OPA1: variants seen among roughly 807,000 people sequenced by gnomAD.
OPA1 encodes dynamin-like GTPase OPA1, mitochondrial.
Under a neutral mutation model 152.9 loss-of-function variants are expected in OPA1, and 59 were observed. The observed-to-expected ratio is 0.39, with a 90% CI of 0.31 to 0.48. The LOEUF (loss-of-function observed/expected upper bound fraction) is 0.48, where lower values mean the gene tolerates loss of function less well. Among genes scored for constraint, OPA1 ranks in the 20% least tolerant of loss-of-function variants. The pLI, the probability that OPA1 is intolerant of heterozygous loss-of-function variation, is 0.96. For missense variants in OPA1, 1,008 were observed against 1,216.8 expected, an observed-to-expected ratio of 0.83 and a Z score of 2.55; for synonymous variants, 400 against 389.9, an observed-to-expected ratio of 1.03 and a Z score of -0.31.
At chr3:193,617,152 A>T (rs1407665515) in intron 3 of OPA1, 26 bp from the exon 4 acceptor site, 2 of 1,344,618 alleles carry the variant, frequency 1.5e-6, no homozygotes, top group Admixed American at 3.4e-5. Context: ...TTAGTTTCAT[A>T]CTCTATATGT....
Position 193,662,950 on chromosome 3 carries a change from A to G in OPA1, c.2649A>G (p.Val883=). Residue 883 remains valine (V), a synonymous_variant, in exon 26 of 31, where the codon GTA becomes GTG. Coordinates refer to ENST00000361510, the MANE Select transcript of OPA1 (RefSeq NM_130837.3). The part of the protein sequence containing the change: ...RKNLESRGVE[V]DPSLIKDTWH... ...ACCTTGAATCCCGAGGAGTAGAAGT[A>G]GATCCAAGCTTGGTAATAAATACTG... 6.2e-7 allele frequency: 1 copy of G among 1,613,630 alleles called. No individual in the cohort carries two copies. Among genetic ancestry groups the G allele is most frequent in the Non-Finnish European group, 8.5e-7 (1 of 1,179,580 alleles).
intron 1 of OPA1, among the ~76,000 whole-genome samples, chr3:193,611,562 A>T (rs1417508393): frequency 1.4e-5 from 2 of 143,424 alleles, no homozygotes; most frequent in East Asian, 2.1e-4. Context: ...GCGCCACTAC[A>T]CTCTAGCCTG....
intron 7 of OPA1, 121 bp from the exon 8 acceptor site, chr3:193,631,491 G>T: frequency 3.1e-6 from 2 of 643,196 alleles, no homozygotes; most frequent in Non-Finnish European, 5.5e-6. Flanking sequence ...AAATTACTTT[G>T]ATTAAATATG....
intron 29 of OPA1, among the ~76,000 whole-genome samples, chr3:193,670,534 T>C (rs1343523932): frequency 1.3e-5 from 2 of 151,936 alleles, no homozygotes; most frequent in East Asian, 3.9e-4. Context: ...GCCTGGCTTA[T>C]TTTTTGTATT....
intron 1 of OPA1, 76 bp from the exon 2 acceptor site, chr3:193,614,647 A>G: frequency 9.3e-7 from 1 of 1,071,566 alleles, no homozygotes; most frequent in Non-Finnish European, 1.5e-6. Context: ...TTCCTTTAGT[A>G]TATTGCTCTT....
Position 193,692,468 on chromosome 3 carries a change from A to G in OPA1, c.*5+336A>G, listed in dbSNP as rs76729966. Among the ~76,000 whole-genome samples, 10 of 152,342 alleles carry G rather than the reference A, an allele frequency of 6.6e-5. No homozygotes were observed. In the East Asian group the frequency reaches 1.7e-3, roughly 26 times the overall value. The stretch of plus-strand genomic sequence containing the variant: ...TGACATTACTTTATTCTTCTTGCCT[A>G]TAGTCTATCAATAATGATGTGTATG... On this transcript the variant is annotated intron_variant, in intron 30 of 30. Transcript: ENST00000361510.
At chr3:193,675,554 TC>T (rs1718824881) in intron 29 of OPA1, among the ~76,000 whole-genome samples, 1 of 152,062 alleles carries the variant, frequency 6.6e-6, no homozygotes, top group Non-Finnish European at 1.5e-5. Context: ...CTCTTCTATA[TC>T]ATCATCACTT....
intron 28 of OPA1, among the ~76,000 whole-genome samples, chr3:193,666,645 C>A (rs974277746): frequency 6.6e-6 from 1 of 151,924 alleles, no homozygotes; most frequent in Non-Finnish European, 1.5e-5. Context: ...ATAAATTAGC[C>A]GGGCATGGTG....
chr3:193,600,313 C>T (rs1183385083), intron 1 of OPA1, among the ~76,000 whole-genome samples: 2 of 152,142 alleles, frequency 1.3e-5, no homozygotes, highest in Non-Finnish European at 2.9e-5. Context: ...TCTCACACAT[C>T]TTCTTTGGTG....
At chr3:193,687,172 A>T (rs956365336) in intron 29 of OPA1, among the ~76,000 whole-genome samples, 3 of 152,214 alleles carry the variant, frequency 2.0e-5, no homozygotes, top group African/African-American at 7.2e-5. Flanking sequence ...GTAGAGATAA[A>T]GAGACCCAAA....
At chr3:193,623,635 A>G (rs1730551159) in intron 6 of OPA1, among the ~76,000 whole-genome samples, 1 of 152,166 alleles carries the variant, frequency 6.6e-6, no homozygotes, top group Non-Finnish European at 1.5e-5. Flanking sequence ...ATTGTTATTT[A>G]TAAATACTAC....
chr3:193,655,138 AT>A, intron 22 of OPA1, 111 bp downstream of exon 22: 1 of 962,218 alleles, frequency 1.0e-6, no homozygotes, highest in East Asian at 2.6e-5. Context: ...TTAGGTCTTT[AT>A]ATCTCATTTA....
Position 193,622,226 on chromosome 3 carries a change from C to CTTTTTTTT in OPA1, c.678+3304_678+3311dup, listed in dbSNP as rs758993120. Among the ~76,000 whole-genome samples the CTTTTTTTT allele has an allele frequency of 3.0e-3, 324 of 107,884 alleles. 7 individuals are homozygous for CTTTTTTTT. Among genetic ancestry groups the CTTTTTTTT allele is most frequent in the African/African-American group, 4.5e-3 (116 of 26,016 alleles). 70.8% of individuals were successfully genotyped at this position (107,884 alleles called of 152,430 possible). A position where few individuals can be genotyped will look rare whatever the true frequency, so the allele number is the denominator to read the frequency against. The stretch of plus-strand genomic sequence containing the variant: ...TTTCTTGCAACATATTACTCTCATT[C>CTTTTTTTT]TTTTTTTTTTTTTTTTTTTTTGAGA... On this transcript the variant is annotated intron_variant, in intron 6 of 30. Coordinates refer to ENST00000361510, the MANE Select transcript of OPA1 (RefSeq NM_130837.3).
chr3:193,630,719 G>A (rs1273756371), intron 7 of OPA1, among the ~76,000 whole-genome samples: 1 of 152,112 alleles, frequency 6.6e-6, no homozygotes, highest in Non-Finnish European at 1.5e-5. Context: ...TAAAGGCTGG[G>A]ATGACAACTT....
intron 8 of OPA1, among the ~76,000 whole-genome samples, chr3:193,632,238 T>C (rs893783068): frequency 6.6e-6 from 1 of 152,142 alleles, no homozygotes; most frequent in Non-Finnish European, 1.5e-5. Flanking sequence ...TCCCAACACT[T>C]TGGGAGGCCG....
chr3:193,598,441 A>G (rs984516902), intron 1 of OPA1, among the ~76,000 whole-genome samples: 2 of 152,106 alleles, frequency 1.3e-5, no homozygotes. Context: ...TAGGATTGTT[A>G]AGTAGTTTTG....
chr3:193,657,387 A>G (rs1212057595), intron 23 of OPA1, among the ~76,000 whole-genome samples, 155 bp downstream of exon 23: 3 of 152,234 alleles, frequency 2.0e-5, no homozygotes, highest in Admixed American at 1.3e-4. Context: ...TCTGCCCTTT[A>G]ATATTTCCCT....
rs1007597276 is a variant in OPA1, at chr3:193,669,873, A to G, written c.2983+2593A>G. 2.0e-5 allele frequency among the ~76,000 whole-genome samples: 3 copies of G among 152,200 alleles called. No individual in the cohort carries two copies. In the East Asian group the frequency reaches 5.8e-4, roughly 29 times the overall value. On this transcript the variant is annotated intron_variant, in intron 29 of 30. Transcript: ENST00000361510. ...ACTGTCAAGCCAAGTTCTATGTTCT[A>G]CTGCTGGTTTTCCTGAGAAAGCAGT...
At chr3:193,653,753 C>T (rs900018750) in intron 21 of OPA1, among the ~76,000 whole-genome samples, 11 of 152,022 alleles carry the variant, frequency 7.2e-5, no homozygotes, top group Non-Finnish European at 1.5e-4. Context: ...CAGACTCTCC[C>T]GTAAGCACAT....
Sources: allele counts gnomAD v4.1 joint callset (sites outside exome capture counted in the v4.1 genomes callset), GRCh38; gene constraint gnomAD v4.1.1; transcripts MANE v1.5; gene names NCBI Gene and HGNC (gene_info 2026-07-23, HGNC 2026-07-21).